The following RBFOX1 variants were observed in gnomAD, a reference collection of about 807,000 sequenced individuals.
RBFOX1 encodes the protein RNA binding fox-1 homolog 1.
In RBFOX1, 8 loss-of-function variants were observed where a neutral mutation model predicts 57.7. The ratio of observed to expected loss-of-function variants is 0.14; its 90% confidence interval spans 0.08 to 0.25. The LOEUF is 0.25. Ranked by LOEUF, RBFOX1 falls within the 10% of genes least tolerant of loss-of-function variation. The pLI is 1.00. For synonymous variants in RBFOX1, 326 were observed against 222.4 expected (o/e 1.47, Z -4.15); for missense variants, 611 against 548.5 (o/e 1.11, Z -1.14).
chr16:7,000,610 T>C (rs1435572429), intron 3 of RBFOX1, among the ~76,000 whole-genome samples: 2 of 136,244 alleles, frequency 1.5e-5, no homozygotes, highest in Admixed American at 7.4e-5. Context: ...TTTTTTTTTT[T>C]TTTTTTTGAG....
At chr16:7,019,439 C>T (rs915823845) in intron 3 of RBFOX1, among the ~76,000 whole-genome samples, 10 of 151,998 alleles carry the variant, frequency 6.6e-5, no homozygotes, top group African/African-American at 2.4e-4. Context: ...TGCATTCATG[C>T]TGTTGTAGGT....
chr16:7,101,940 C>A (rs563023865), intron 4 of RBFOX1, among the ~76,000 whole-genome samples: 1 of 152,126 alleles, frequency 6.6e-6, no homozygotes, highest in Non-Finnish European at 1.5e-5. Context: ...GTTGGTGCTC[C>A]TTTCACCAAG....
intron 4 of RBFOX1, among the ~76,000 whole-genome samples, chr16:7,086,721 T>TACACACACACACACAC (rs71280731): frequency 2.5e-4 from 38 of 149,584 alleles, no homozygotes; most frequent in African/African-American, 8.9e-4. Flanking sequence ...GAAGAATGTA[T>TACACACACACACACAC]ACACACACAC....
chr16:7,097,075 C>T (rs892863137), intron 4 of RBFOX1, among the ~76,000 whole-genome samples: 4 of 151,944 alleles, frequency 2.6e-5, no homozygotes, highest in Non-Finnish European at 5.9e-5. Context: ...CACATGTGAT[C>T]ATTTGCAAGG....
intron 3 of RBFOX1, among the ~76,000 whole-genome samples, chr16:7,014,891 A>AT (rs1372741205): frequency 4.0e-5 from 6 of 151,692 alleles, no homozygotes; most frequent in Admixed American, 1.3e-4. Flanking sequence ...CACCCGGCTA[A>AT]TTTTTTTGTA....
chr16:5,944,759 C>G (rs373381949), intron 4 of RBFOX1, among the ~76,000 whole-genome samples: 2 of 126,650 alleles, frequency 1.6e-5, no homozygotes, highest in African/African-American at 6.3e-5. Context: ...TAGAGACCAT[C>G]CTGGCCAACT....
intron 1 of RBFOX1, among the ~76,000 whole-genome samples, chr16:6,295,075 T>A (rs1384210485): frequency 7.0e-6 from 1 of 143,772 alleles, no homozygotes. Context: ...AGTCCATTTC[T>A]GGCAAAGAGC....
intron 13 of RBFOX1, among the ~76,000 whole-genome samples, chr16:7,673,547 T>C (rs902391182): frequency 6.6e-6 from 1 of 152,020 alleles, no homozygotes; most frequent in East Asian, 1.9e-4. Flanking sequence ...TCTCTAGTAG[T>C]AATAAGAGAA....
chr16:5,679,075 A>C (rs546128608), intron 3 of RBFOX1, among the ~76,000 whole-genome samples: 14 of 152,218 alleles, frequency 9.2e-5, no homozygotes, highest in African/African-American at 3.4e-4. Flanking sequence ...CTGCATCTCA[A>C]TTCATTACTC....
intron 11 of RBFOX1, among the ~76,000 whole-genome samples, chr16:7,644,227 C>A (rs1245420383): frequency 2.0e-5 from 3 of 152,120 alleles, no homozygotes; most frequent in Non-Finnish European, 4.4e-5. Context: ...CCATCTCCAC[C>A]CCAGGAAAGT....
chr16:5,640,983 C>G (rs757128053), intron 3 of RBFOX1, among the ~76,000 whole-genome samples: 1 of 151,024 alleles, frequency 6.6e-6, no homozygotes, highest in African/African-American at 2.4e-5. Flanking sequence ...CACATACATG[C>G]ATATCATGCA....
intron 4 of RBFOX1, among the ~76,000 whole-genome samples, chr16:7,349,157 C>T (rs1275935662): frequency 1.3e-5 from 2 of 152,138 alleles, no homozygotes; most frequent in Non-Finnish European, 2.9e-5. Flanking sequence ...TAGAGACCCA[C>T]TGAAGTTCAT....
intron 2 of RBFOX1, among the ~76,000 whole-genome samples, chr16:6,428,720 C>A (rs2093997002): frequency 1.3e-5 from 2 of 152,192 alleles, no homozygotes; most frequent in South Asian, 4.1e-4. Context: ...ATTCACTGGG[C>A]TACGTAAACA....
intron 3 of RBFOX1, among the ~76,000 whole-genome samples, chr16:6,676,381 C>A (rs1158956818): frequency 6.6e-6 from 1 of 152,020 alleles, no homozygotes; most frequent in Non-Finnish European, 1.5e-5. Context: ...GCAGCGCCTG[C>A]CCCAGTTGGG....
intron 1 of RBFOX1, among the ~76,000 whole-genome samples, chr16:6,168,823 T>A (rs1322129030): frequency 6.6e-6 from 1 of 152,066 alleles, no homozygotes; most frequent in African/African-American, 2.4e-5. Context: ...TTTTACTTTT[T>A]TTTTTTTTAA....
At chr16:7,243,968 T>G (rs148250504) in intron 4 of RBFOX1, among the ~76,000 whole-genome samples, 104 of 100,704 alleles carry the variant, frequency 1.0e-3, no homozygotes, top group African/African-American at 6.2e-3. Flanking sequence ...CAAAACTCGA[T>G]AACTAACATA....
At position 7,600,715 on chromosome 16, in the gene RBFOX1, A is replaced by G. The variant is rs143976566; in HGVS notation, c.622+3284A>G. ...AGCATCACCTTCATGCATTACTTCA[A>G]TCATGTATCCAGAAAAACTTTTAGC... On this transcript the variant is annotated intron_variant, in intron 9 of 15. Transcript: ENST00000550418. Among the ~76,000 whole-genome samples the G allele has an allele frequency of 1.4e-3, 212 of 152,330 alleles. 2 individuals carry two copies. The highest frequency in any genetic ancestry group is 4.8e-3 in the African/African-American group (200 of 41,584).
intron 1 of RBFOX1, among the ~76,000 whole-genome samples, chr16:6,185,053 C>G (rs1357523995): frequency 6.6e-6 from 1 of 152,132 alleles, no homozygotes; most frequent in Non-Finnish European, 1.5e-5. Flanking sequence ...GGAGACAGCT[C>G]TGTGCGTCTG....
At chr16:6,859,177 ATATATATGTATATATATATG>A (rs1567593585) in intron 3 of RBFOX1, among the ~76,000 whole-genome samples, 1,439 of 81,928 alleles carry the variant, frequency 0.018, 28 homozygotes, top group Non-Finnish European at 0.029. Context: ...ATATATATGT[ATATATATGTATATATATATG>A]TATATATATA....
Sources: gnomAD v4.1 joint callset for allele counts (sites outside exome capture counted in the v4.1 genomes callset) on GRCh38, gnomAD v4.1.1 for gene constraint, MANE v1.5 for transcripts, NCBI Gene and HGNC (gene_info 2026-07-23, HGNC 2026-07-21) for gene names.